The following ZNF704 variants were observed in gnomAD, a reference collection of about 807,000 sequenced individuals.
ZNF704 encodes the protein glucocorticoid induced gene 1.
In ZNF704, 10 loss-of-function variants were observed where a neutral mutation model predicts 44.7. That is an observed-to-expected ratio of 0.22 (90% CI 0.14 to 0.38). ZNF704 has a LOEUF of 0.38. Ranked by LOEUF, ZNF704 falls within the 10% of genes least tolerant of loss-of-function variation. The pLI, the probability that ZNF704 is intolerant of heterozygous loss-of-function variation, is 1.00. For synonymous variants in ZNF704, 211 were observed against 207.6 expected (o/e 1.02, Z -0.14); for missense variants, 390 against 545.5 (o/e 0.71, Z 2.84).
At chr8:80,732,952 TAAAAAAA>T (rs59640222) in intron 2 of ZNF704, among the ~76,000 whole-genome samples, 1 of 78,660 alleles carries the variant, frequency 1.3e-5, no homozygotes, top group African/African-American at 4.3e-5. Flanking sequence ...AGACCTTGCC[TAAAAAAA>T]AAAAAAAAAA....
At chr8:80,827,818 G>T (rs995083386) in intron 1 of ZNF704, among the ~76,000 whole-genome samples, 1 of 152,140 alleles carries the variant, frequency 6.6e-6, no homozygotes, top group Non-Finnish European at 1.5e-5. Flanking sequence ...GCAAGAAATG[G>T]GGAAAGGATT....
At chr8:80,792,504 G>C (rs1444773429) in intron 2 of ZNF704, among the ~76,000 whole-genome samples, 1 of 152,134 alleles carries the variant, frequency 6.6e-6, no homozygotes, top group Non-Finnish European at 1.5e-5. Context: ...CTGGCCTAGT[G>C]ACCTGCTTCT....
At chr8:80,824,797 AC>A in intron 1 of ZNF704, among the ~76,000 whole-genome samples, 2 of 152,354 alleles carry the variant, frequency 1.3e-5, no homozygotes, top group Middle Eastern at 6.8e-3. Context: ...AGAATTTTCA[AC>A]CCAGAATTTC....
chr8:80,826,615 CA>C (rs1258259222), intron 1 of ZNF704, among the ~76,000 whole-genome samples: 1 of 151,994 alleles, frequency 6.6e-6, no homozygotes, highest in Admixed American at 6.6e-5. Context: ...GGCAGAGACA[CA>C]ACAAAAAAGG....
At chr8:80,652,522 A>C (rs2131598179) in intron 7 of ZNF704, among the ~76,000 whole-genome samples, 1 of 152,362 alleles carries the variant, frequency 6.6e-6, no homozygotes, top group African/African-American at 2.4e-5. Flanking sequence ...AACTACCATC[A>C]GAGAATACTA....
chr8:80,731,836 C>A (rs1806587072), intron 2 of ZNF704, among the ~76,000 whole-genome samples: 1 of 152,188 alleles, frequency 6.6e-6, no homozygotes, highest in Non-Finnish European at 1.5e-5. Flanking sequence ...TGTTATAATG[C>A]ACATTTTCCC....
chr8:80,806,619 G>C (rs1454439296), intron 2 of ZNF704, among the ~76,000 whole-genome samples: 1 of 152,046 alleles, frequency 6.6e-6, no homozygotes, highest in East Asian at 1.9e-4. Flanking sequence ...TTCTCTTCTT[G>C]GAAAAAGGTT....
chr8:80,824,155 T>C (rs991055031), intron 1 of ZNF704, among the ~76,000 whole-genome samples: 1 of 152,078 alleles, frequency 6.6e-6, no homozygotes, highest in African/African-American at 2.4e-5. Context: ...TTCGAACCCA[T>C]TGCAAAGAAG....
chr8:80,760,844 C>G (rs1807118535), intron 2 of ZNF704, among the ~76,000 whole-genome samples: 1 of 152,018 alleles, frequency 6.6e-6, no homozygotes, highest in South Asian at 2.1e-4. Flanking sequence ...GAAGTGGAAG[C>G]AGGCATGTCA....
rs935471651 is a variant in ZNF704 at position 80,634,440 on chromosome 8, C to A, written c.*6926G>T. On this transcript the variant is annotated 3_prime_UTR_variant, in exon 9 of 9. Coordinates refer to ENST00000327835, the MANE Select transcript of ZNF704 (RefSeq NM_001033723.3). ...CTGATGGATGAACCTGACCTGACAA[C>A]TGTGGAATGTGAAATCCACTTTTCC... 11 of 152,408 alleles carry A rather than the reference C, an allele frequency of 7.2e-5. No homozygotes were observed. The highest frequency in any genetic ancestry group is 2.6e-4 in the African/African-American group (11 of 41,588). 9.4% of individuals were successfully genotyped at this position (152,408 alleles called of 1,614,324 possible).
intron 1 of ZNF704, among the ~76,000 whole-genome samples, chr8:80,843,946 T>C (rs1808722790): frequency 7.1e-6 from 1 of 140,996 alleles, no homozygotes; most frequent in Admixed American, 7.1e-5. Context: ...TATATGTGTA[T>C]GTATATATAT....
intron 5 of ZNF704, among the ~76,000 whole-genome samples, chr8:80,665,321 A>C (rs1292881273): frequency 3.9e-5 from 6 of 152,322 alleles, no homozygotes; most frequent in African/African-American, 1.4e-4. Flanking sequence ...ACAACGATTT[A>C]TTGAGAATCT....
intron 2 of ZNF704, among the ~76,000 whole-genome samples, chr8:80,782,153 T>C (rs190748529): frequency 6.6e-6 from 1 of 152,302 alleles, no homozygotes; most frequent in East Asian, 1.9e-4. Context: ...GCAGCTGGGA[T>C]ATATTTATTT....
At chr8:80,644,805 C>T in intron 7 of ZNF704, 2 of 626,904 alleles carry the variant, frequency 3.2e-6, no homozygotes, top group Non-Finnish European at 5.7e-6. Context: ...CACATTCAAA[C>T]AGTGTATTGA....
chr8:80,834,882 C>T (rs1308106918), intron 1 of ZNF704, among the ~76,000 whole-genome samples: 2 of 152,220 alleles, frequency 1.3e-5, no homozygotes, highest in Admixed American at 6.5e-5. Context: ...TTTATGGCTG[C>T]ATAGTATTCC....
At chr8:80,645,004 A>G (rs983580425) in intron 7 of ZNF704, 8 of 1,204,074 alleles carry the variant, frequency 6.6e-6, no homozygotes, top group Admixed American at 3.4e-5. Flanking sequence ...TGGATCATAT[A>G]ATGGACCCAT....
rs180858385 is a variant in ZNF704 at position 80,650,499 on chromosome 8, G to A, written c.1033-7370C>T. 1.3e-4 allele frequency among the ~76,000 whole-genome samples: 20 copies of A among 152,278 alleles called. No individual in the cohort carries two copies. In the East Asian group the frequency reaches 3.1e-3, roughly 24 times the overall value. ...ACCTGTTGGAACTGAAAACCAAGGC[G>A]CAAGAACTACGTGACGAATGCACAA... On this transcript the variant is annotated intron_variant, in intron 7 of 8. Transcript: ENST00000327835.
At chr8:80,825,084 T>C (rs773988672) in intron 1 of ZNF704, among the ~76,000 whole-genome samples, 24 of 152,142 alleles carry the variant, frequency 1.6e-4, no homozygotes, top group Non-Finnish European at 3.2e-4. Context: ...ATATTAACCT[T>C]TAATGTAAAT....
chr8:80,808,690 G>A (rs1036811914), intron 2 of ZNF704, among the ~76,000 whole-genome samples: 3 of 152,186 alleles, frequency 2.0e-5, no homozygotes, highest in Admixed American at 6.5e-5. Flanking sequence ...CACTTTCAAC[G>A]TGATCGTTTG....
Sources: gnomAD v4.1 joint callset for allele counts (sites outside exome capture counted in the v4.1 genomes callset) on GRCh38, gnomAD v4.1.1 for gene constraint, MANE v1.5 for transcripts, NCBI Gene and HGNC (gene_info 2026-07-23, HGNC 2026-07-21) for gene names.